Variants in CYB5R4 observed in about 807,000 individuals in gnomAD.
CYB5R4 encodes the protein cytochrome b5 reductase 4.
In CYB5R4, 55 loss-of-function variants were observed where a neutral mutation model predicts 70.2. The observed-to-expected ratio is 0.78, with a 90% CI of 0.63 to 0.98. CYB5R4 has a LOEUF of 0.98. Ranked by LOEUF, CYB5R4 falls within the 50% of genes least tolerant of loss-of-function variation. CYB5R4 has a pLI of 0.00. For synonymous variants in CYB5R4, 197 were observed against 199.5 expected (o/e 0.99, Z 0.11); for missense variants, 562 against 612.6 (o/e 0.92, Z 0.87).
intron 4 of CYB5R4, among the ~76,000 whole-genome samples, chr6:83,912,697 A>C (rs547324622): frequency 1.3e-5 from 2 of 152,374 alleles, no homozygotes; most frequent in African/African-American, 4.8e-5. Flanking sequence ...TTCAGAGAAG[A>C]AAGTATCTCC....
chr6:83,913,605 A>G (rs1239606663), intron 4 of CYB5R4, among the ~76,000 whole-genome samples: 1 of 152,176 alleles, frequency 6.6e-6, no homozygotes. Flanking sequence ...TTAATTATGG[A>G]ATTTCTGGTG....
At chr6:83,956,940 A>T (rs2099472516) in intron 15 of CYB5R4, among the ~76,000 whole-genome samples, 1 of 151,836 alleles carries the variant, frequency 6.6e-6, no homozygotes, top group African/African-American at 2.4e-5. Flanking sequence ...GTCCTCATAG[A>T]TAATCTTATA....
chr6:83,926,521 G>A (rs928421296), intron 10 of CYB5R4, among the ~76,000 whole-genome samples: 2 of 152,018 alleles, frequency 1.3e-5, no homozygotes, highest in African/African-American at 2.4e-5. Context: ...TTCCTTCTGT[G>A]TGTCTGTGTC....
intron 3 of CYB5R4, among the ~76,000 whole-genome samples, chr6:83,900,942 T>C (rs939761704): frequency 6.6e-6 from 1 of 152,238 alleles, no homozygotes; most frequent in Non-Finnish European, 1.5e-5. Flanking sequence ...TTGTGTCTTT[T>C]AATTGGAGCA....
At chr6:83,892,436 C>A (rs139989223) in intron 2 of CYB5R4, among the ~76,000 whole-genome samples, 1,609 of 151,778 alleles carry the variant, frequency 0.011, 36 homozygotes, top group African/African-American at 0.036. Context: ...TTAAAAAAAA[C>A]CAGTCGTTGT....
At chr6:83,891,293 C>T (rs1359082228) in intron 2 of CYB5R4, among the ~76,000 whole-genome samples, 1 of 152,204 alleles carries the variant, frequency 6.6e-6, no homozygotes, top group Non-Finnish European at 1.5e-5. Flanking sequence ...ATTAGTGTGA[C>T]TTGCTTTATT....
chr6:83,863,985 A>G (rs2099456375), intron 1 of CYB5R4, among the ~76,000 whole-genome samples, 190 bp from the exon 2 acceptor site: 1 of 152,210 alleles, frequency 6.6e-6, no homozygotes, highest in African/African-American at 2.4e-5. Flanking sequence ...TGACATCAAT[A>G]TGGTGAAAAT....
intron 3 of CYB5R4, among the ~76,000 whole-genome samples, chr6:83,897,287 C>T (rs2099462071): frequency 6.6e-6 from 1 of 152,190 alleles, no homozygotes; most frequent in Non-Finnish European, 1.5e-5. Flanking sequence ...ATAGGTGCCA[C>T]ATTTTCTTAA....
rs898836569 is a variant in CYB5R4 at position 83,921,073 on chromosome 6, C to G, written c.565-9C>G. On this transcript the variant is annotated splice_polypyrimidine_tract_variant and intron_variant, in intron 7 of 15. Coordinates refer to ENST00000369681, the MANE Select transcript of CYB5R4 (RefSeq NM_016230.4). ...TTTCTAATCTTTCTATTTTTGCTTT[C>G]TCTTTAAGGATATCAATTTAGACTC... The G allele has an allele frequency of 1.4e-6, 2 of 1,472,674 alleles. No individual in the cohort carries two copies. Among genetic ancestry groups the G allele is most frequent in the Non-Finnish European group, 1.8e-6 (2 of 1,097,992 alleles). 91.2% of individuals were successfully genotyped at this position (1,472,674 alleles called of 1,614,324 possible).
intron 10 of CYB5R4, among the ~76,000 whole-genome samples, chr6:83,927,807 C>G (rs1273531190): frequency 6.6e-6 from 1 of 152,126 alleles, no homozygotes; most frequent in Non-Finnish European, 1.5e-5. Flanking sequence ...CAACTTTCAG[C>G]CTGTCCTGTC....
chr6:83,922,198 T>C (rs1339303324), intron 8 of CYB5R4, among the ~76,000 whole-genome samples: 3 of 152,228 alleles, frequency 2.0e-5, no homozygotes, highest in East Asian at 3.8e-4. Flanking sequence ...TACCCATTTA[T>C]GGGCAATTGA....
intron 2 of CYB5R4, among the ~76,000 whole-genome samples, chr6:83,887,035 T>C (rs920786381): frequency 6.6e-6 from 1 of 152,124 alleles, no homozygotes; most frequent in Admixed American, 6.6e-5. Flanking sequence ...TCAGAGGCAA[T>C]TGGGGTTAAA....
intron 13 of CYB5R4, 83 bp from the exon 14 acceptor site, chr6:83,940,432 A>G: frequency 7.6e-7 from 1 of 1,316,452 alleles, no homozygotes; most frequent in Non-Finnish European, 1.0e-6. Context: ...AAACATTCAC[A>G]CTGGTTCACT....
At chr6:83,912,331 T>C (rs914038609) in intron 4 of CYB5R4, among the ~76,000 whole-genome samples, 1 of 152,212 alleles carries the variant, frequency 6.6e-6, no homozygotes, top group African/African-American at 2.4e-5. Context: ...GGTATGTCAA[T>C]GTCCGTATTA....
chr6:83,962,737 G>A lies in CYB5R4; in HGVS notation c.*2859G>A, dbSNP rs1283203245. On this transcript the variant is annotated 3_prime_UTR_variant, in exon 16 of 16. Transcript: ENST00000369681. ...ATAAGAGTTCTTTCAGCCTCATTAG[G>A]TAGATTTCAGTTCCTTGCAGTTGTA... 6.6e-6 allele frequency: 1 copy of A among 152,176 alleles called. No individual in the cohort carries two copies. Among genetic ancestry groups the A allele is most frequent in the Non-Finnish European group, 1.5e-5 (1 of 68,036 alleles). The allele number at this position is 152,176 out of a possible 1,614,324, so 9.4% of individuals were successfully genotyped here.
rs555152931 is a variant in CYB5R4, at chr6:83,960,098, A to G, written c.*220A>G. 2 of 382,638 alleles carry G rather than the reference A, an allele frequency of 5.2e-6. No homozygotes were observed. The highest frequency in any genetic ancestry group is 9.5e-5 in the East Asian group (2 of 20,998). 23.7% of individuals were successfully genotyped at this position (382,638 alleles called of 1,614,324 possible). A position where few individuals can be genotyped will look rare whatever the true frequency, so the allele number is the denominator to read the frequency against. ...TGATATTTGACCTGGAAAGTTAATC[A>G]TGGCAACAAATACATACAGGATTCT... On this transcript the variant is annotated 3_prime_UTR_variant, in exon 16 of 16. Coordinates refer to ENST00000369681, the MANE Select transcript of CYB5R4 (RefSeq NM_016230.4).
Position 83,940,252 on chromosome 6 carries a change from A to G in CYB5R4, c.1259+46A>G, listed in dbSNP as rs765100597. 6.5e-6 allele frequency: 10 copies of G among 1,540,842 alleles called. No homozygotes were observed. The East Asian group carries it at 2.1e-4, about 32-fold the overall frequency. The stretch of plus-strand genomic sequence containing the variant: ...TTACGATCCTTTTTGAGGCTGTTAT[A>G]TTAGTATAAGGTATTCTAAATTGAT... On this transcript the variant is annotated intron_variant, in intron 13 of 15. Transcript: ENST00000369681.
At chr6:83,920,689 T>TA (rs1360343893) in intron 7 of CYB5R4, among the ~76,000 whole-genome samples, 2 of 136,600 alleles carry the variant, frequency 1.5e-5, no homozygotes, top group Non-Finnish European at 3.1e-5. Context: ...ACAGGAAAGA[T>TA]AAAGATGAAC....
intron 10 of CYB5R4, among the ~76,000 whole-genome samples, chr6:83,930,470 A>G (rs549699184): frequency 1.3e-4 from 20 of 152,182 alleles, no homozygotes; most frequent in Non-Finnish European, 2.1e-4. Context: ...TCAAGAACCT[A>G]CATTTTTTAC....
Sources: gnomAD v4.1 joint callset for allele counts (sites outside exome capture counted in the v4.1 genomes callset) on GRCh38, gnomAD v4.1.1 for gene constraint, MANE v1.5 for transcripts, NCBI Gene and HGNC (gene_info 2026-07-23, HGNC 2026-07-21) for gene names.